Variants in GABRP observed in about 807,000 individuals in gnomAD.
GABRP encodes the protein gamma-aminobutyric acid receptor subunit pi.
GABRP carries 52 observed loss-of-function variants against 47.8 expected under a neutral mutation model. That is an observed-to-expected ratio of 1.09 (90% CI 0.87 to 1.37). The LOEUF (loss-of-function observed/expected upper bound fraction) is 1.37, where lower values mean the gene tolerates loss of function less well. Ranked by LOEUF, GABRP falls within the 40% of genes most tolerant of loss-of-function variation. The pLI, the probability that GABRP is intolerant of heterozygous loss-of-function variation, is 0.00. For synonymous variants in GABRP, 221 were observed against 205.8 expected, an observed-to-expected ratio of 1.07 and a Z score of -0.63; for missense variants, 525 against 542.8, an observed-to-expected ratio of 0.97 and a Z score of 0.33.
At chr5:170,795,783 A>T (rs1452766125) in intron 5 of GABRP, among the ~76,000 whole-genome samples, 1 of 152,166 alleles carries the variant, frequency 6.6e-6, no homozygotes, top group Non-Finnish European at 1.5e-5. Flanking sequence ...CTATGTCTTA[A>T]AGGGTAAAAG....
chr5:170,796,697 A>C (rs950253343), intron 5 of GABRP, among the ~76,000 whole-genome samples: 1 of 152,206 alleles, frequency 6.6e-6, no homozygotes, highest in Non-Finnish European at 1.5e-5. Context: ...AGCACTCAGT[A>C]AACCATAGCT....
intron 3 of GABRP, among the ~76,000 whole-genome samples, chr5:170,793,969 A>G (rs1422674806): frequency 1.3e-5 from 2 of 152,148 alleles, no homozygotes; most frequent in African/African-American, 4.8e-5. Context: ...AAAAGCATTA[A>G]TTATGCAGGT....
Position 170,797,487 on chromosome 5 carries a change from T to C in GABRP, c.480T>C (p.Cys160=). ...TTAGAATCACGACAACTGTTGCATG[T>C]AACATGGATCTGTCTAAATACCCCA... is the stretch of plus-strand genomic sequence containing the variant. ...YALRITTTVA[C]NMDLSKYPMD... The change falls in exon 6 of 10, where the codon TGT becomes TGC. Residue 160 remains cysteine, a synonymous_variant. Transcript: ENST00000265294. 2 of 1,612,090 alleles carry C rather than the reference T, an allele frequency of 1.2e-6. No homozygotes were observed. Among genetic ancestry groups the C allele is most frequent in the South Asian group, 2.2e-5 (2 of 91,030 alleles).
intron 1 of GABRP, 91 bp from the exon 2 acceptor site, chr5:170,788,483 C>T (rs1191593947): frequency 1.2e-6 from 1 of 800,992 alleles, no homozygotes; most frequent in South Asian, 1.6e-5. Context: ...TGAGAAAATG[C>T]TGTACCGACC....
At chr5:170,786,449 G>A (rs1268949229) in intron 1 of GABRP, among the ~76,000 whole-genome samples, 1 of 152,200 alleles carries the variant, frequency 6.6e-6, no homozygotes, top group Non-Finnish European at 1.5e-5. Context: ...AGCATTCACA[G>A]TAGAAGATGT....
chr5:170,812,066 C>A lies in GABRP; in HGVS notation c.1131C>A (p.Asn377Lys). 1 of 1,614,150 alleles carries A rather than the reference C, an allele frequency of 6.2e-7. No individual in the cohort carries two copies. Among genetic ancestry groups the A allele is most frequent in the South Asian group, 1.1e-5 (1 of 91,080 alleles). ...SFASIEISSD[N>K]VDYSDLTMKT... is the part of the protein sequence containing the mutation. Reference sequence around the variant, plus strand: ...CCAGCATTGAAATTTCCAGCGACAACGTTGACTACAGTGACTTGACAATGA... The same window carrying A: ...CCAGCATTGAAATTTCCAGCGACAAAGTTGACTACAGTGACTTGACAATGA... Residue 377 changes from asparagine to lysine, a missense_variant, in exon 10 of 10, where the codon AAC becomes AAA. Coordinates refer to ENST00000265294, the MANE Select transcript of GABRP (RefSeq NM_014211.3).
intron 7 of GABRP, 88 bp downstream of exon 7, chr5:170,805,941 T>G: frequency 1.4e-6 from 2 of 1,440,072 alleles, no homozygotes; most frequent in Non-Finnish European, 9.5e-7. Flanking sequence ...GTCTTCTCAC[T>G]TTACCTCCTT....
At chr5:170,808,579 A>G in intron 7 of GABRP, 21 bp from the exon 8 acceptor site, 1 of 1,607,950 alleles carries the variant, frequency 6.2e-7, no homozygotes, top group Non-Finnish European at 8.5e-7. Context: ...ACAATTTCCT[A>G]TCTGTTGTTT....
rs560421420 is a variant in GABRP at position 170,788,548 on chromosome 5, C to T, written c.-42-26C>T. The T allele has an allele frequency of 2.0e-6, 3 of 1,536,780 alleles. No individual in the cohort carries two copies. The African/African-American group carries it at 4.1e-5, about 21-fold the overall frequency. The stretch of plus-strand genomic sequence containing the variant: ...CAGGTGAGCCTGTTGCACGGCCTTC[C>T]ACTTACCTTGCCCCCTGTTTCCCAG... On this transcript the variant is annotated intron_variant, in intron 1 of 9. Coordinates refer to ENST00000265294, the MANE Select transcript of GABRP (RefSeq NM_014211.3).
At chr5:170,787,091 G>C (rs372960790) in intron 1 of GABRP, among the ~76,000 whole-genome samples, 3 of 152,074 alleles carry the variant, frequency 2.0e-5, no homozygotes, top group Admixed American at 1.3e-4. Flanking sequence ...TCAACATCCC[G>C]CATCAGAGGG....
chr5:170,806,734 G>A (rs1232453026), intron 7 of GABRP, among the ~76,000 whole-genome samples: 10 of 152,064 alleles, frequency 6.6e-5, no homozygotes, highest in Admixed American at 3.3e-4. Context: ...GAGCCACCGC[G>A]CCCGGCCTAC....
intron 1 of GABRP, among the ~76,000 whole-genome samples, chr5:170,785,053 T>C (rs949460711): frequency 6.6e-6 from 1 of 152,236 alleles, no homozygotes; most frequent in African/African-American, 2.4e-5. Context: ...CCAGCACCTG[T>C]ACCAGAACTG....
intron 1 of GABRP, among the ~76,000 whole-genome samples, chr5:170,787,374 T>C (rs1350022170): frequency 2.0e-5 from 3 of 152,220 alleles, no homozygotes; most frequent in Non-Finnish European, 4.4e-5. Context: ...GTCACCAGCA[T>C]GACAGGTCAC....
chr5:170,798,684 A>T (rs1287275888), intron 6 of GABRP, among the ~76,000 whole-genome samples: 1 of 152,198 alleles, frequency 6.6e-6, no homozygotes, highest in South Asian at 2.1e-4. Context: ...AAGGTCATGG[A>T]CTTTTCATCA....
intron 3 of GABRP, among the ~76,000 whole-genome samples, chr5:170,789,472 G>A (rs1313838805): frequency 6.6e-6 from 1 of 152,124 alleles, no homozygotes; most frequent in African/African-American, 2.4e-5. Flanking sequence ...TTCTCACTGT[G>A]GAGGCTGCAA....
rs1765205434 is a variant in GABRP, at chr5:170,789,324, G to A, written c.172+77G>A. On this transcript the variant is annotated intron_variant, in intron 3 of 9. Coordinates refer to ENST00000265294, the MANE Select transcript of GABRP (RefSeq NM_014211.3). The stretch of plus-strand genomic sequence containing the variant: ...CAATAAGCAGTGGAGGGTTTCGGGA[G>A]GTTTTAGTTGACTCCATTTTCTGAT... The A allele has an allele frequency of 3.5e-6, 3 of 852,044 alleles. No individual in the cohort carries two copies. The East Asian group carries it at 8.0e-5, about 23-fold the overall frequency. 52.8% of individuals were successfully genotyped at this position (852,044 alleles called of 1,614,324 possible).
chr5:170,812,413 C>G lies in GABRP; in HGVS notation c.*155C>G. Reference sequence around the variant, plus strand: ...TCTGCTCAAAGAATGAAGCTCCAACCATTGTTCTAAGCTGTGTAGAAGTCC... The same window carrying G: ...TCTGCTCAAAGAATGAAGCTCCAACGATTGTTCTAAGCTGTGTAGAAGTCC... On this transcript the variant is annotated 3_prime_UTR_variant, in exon 10 of 10. Transcript: ENST00000265294. 1.6e-6 allele frequency: 1 copy of G among 640,212 alleles called. No individual in the cohort carries two copies. The highest frequency in any genetic ancestry group is 2.7e-6 in the Non-Finnish European group (1 of 371,304). The allele number at this position is 640,212 out of a possible 1,614,324, so 39.7% of individuals were successfully genotyped here.
intron 8 of GABRP, 132 bp downstream of exon 8, chr5:170,808,884 G>A: frequency 6.8e-6 from 5 of 730,290 alleles, no homozygotes; most frequent in Non-Finnish European, 1.1e-5. Flanking sequence ...TTCTTTTACA[G>A]AGAAAGAAAG....
At chr5:170,806,899 TTTTTC>T (rs1319683205) in intron 7 of GABRP, among the ~76,000 whole-genome samples, 1 of 152,120 alleles carries the variant, frequency 6.6e-6, no homozygotes, top group African/African-American at 2.4e-5. Flanking sequence ...ATTTTCCAAA[TTTTTC>T]TTTTCTTTTT....
Sources: allele counts gnomAD v4.1 joint callset (sites outside exome capture counted in the v4.1 genomes callset), GRCh38; gene constraint gnomAD v4.1.1; transcripts MANE v1.5; gene names NCBI Gene and HGNC (gene_info 2026-07-23, HGNC 2026-07-21).